The following TMEM87A variants were observed in gnomAD, a reference collection of about 807,000 sequenced individuals.
TMEM87A encodes Golgi-pH regulating cation channel.
In TMEM87A, 50 loss-of-function variants were observed where a neutral mutation model predicts 90.0. That is an observed-to-expected ratio of 0.56 (90% CI 0.44 to 0.70). The LOEUF is 0.70. Ranked by LOEUF, TMEM87A falls within the 30% of genes least tolerant of loss-of-function variation. The probability of loss-of-function intolerance (pLI) is 0.00; values close to 1 mark genes in which losing one functional copy is unlikely to be tolerated. For missense variants in TMEM87A, 577 were observed against 660.5 expected (o/e 0.87, Z 1.39); for synonymous variants, 226 against 226.7 (o/e 1.00, Z 0.03).
At chr15:42,272,593 T>C (rs2051561069) in intron 1 of TMEM87A, 8 of 243,640 alleles carry the variant, frequency 3.3e-5, no homozygotes, top group Non-Finnish European at 6.6e-5. Context: ...CTATACCTGT[T>C]ACTGAAATAA....
chr15:42,237,290 G>C (rs1308473984), intron 9 of TMEM87A, 142 bp downstream of exon 9: 3 of 765,720 alleles, frequency 3.9e-6, no homozygotes, highest in Non-Finnish European at 5.9e-6. Flanking sequence ...AAAAGTCAGA[G>C]TCATAGTGAT....
At chr15:42,256,401 A>G (rs2051185800) in intron 6 of TMEM87A, among the ~76,000 whole-genome samples, 1 of 152,228 alleles carries the variant, frequency 6.6e-6, no homozygotes, top group Admixed American at 6.5e-5. Flanking sequence ...TGGGCCTTAA[A>G]AAGTGCTGAG....
intron 19 of TMEM87A, among the ~76,000 whole-genome samples, chr15:42,216,961 CTTT>C (rs200586475): frequency 1.0e-4 from 14 of 138,336 alleles, no homozygotes; most frequent in Non-Finnish European, 1.1e-4. Flanking sequence ...TTTTTCTTTT[CTTT>C]TTTTTTTTTT....
chr15:42,224,797 T>C (rs991628743), intron 15 of TMEM87A, among the ~76,000 whole-genome samples: 10 of 152,004 alleles, frequency 6.6e-5, no homozygotes, highest in African/African-American at 2.4e-4. Context: ...GTCACAAGAG[T>C]AATGTAAGAT....
intron 16 of TMEM87A, 22 bp from the exon 17 acceptor site, chr15:42,219,664 C>G: frequency 6.5e-7 from 1 of 1,530,236 alleles, no homozygotes; most frequent in Non-Finnish European, 9.0e-7. Context: ...AATAAATATA[C>G]ACTGTTTAAC....
intron 6 of TMEM87A, among the ~76,000 whole-genome samples, chr15:42,253,947 G>A (rs1053418221): frequency 2.0e-5 from 3 of 152,176 alleles, no homozygotes; most frequent in Admixed American, 2.0e-4. Context: ...ATTAAGTTGT[G>A]AAGTTGGGAT....
rs2050603905 is a variant in TMEM87A, at chr15:42,226,829, C to T, written c.1380G>A (p.Trp460Ter). The change falls in exon 15 of 20, where the codon TGG becomes TGA. Residue 460 changes from tryptophan to a stop codon, truncating the protein, a stop_gained. Transcript: ENST00000389834. LOFTEE classifies it high-confidence loss of function. ...ACCTCTGGTTGTTTGCAGATGGTCG[C>T]CAGAGAACCATGATGACAAAGAGGA... ...SMILFVIMVL[W>*]RPSANNQRFA... 1 of 1,614,004 alleles carries T rather than the reference C, an allele frequency of 6.2e-7. No individual in the cohort carries two copies. The highest frequency in any genetic ancestry group is 2.2e-5 in the East Asian group (1 of 44,884).
chr15:42,220,169 T>C (rs756341437), intron 15 of TMEM87A, 34 bp from the exon 16 acceptor site: 7 of 1,549,144 alleles, frequency 4.5e-6, no homozygotes, highest in Middle Eastern at 1.7e-4. Context: ...AGGAAAAAAT[T>C]AGAAAACTTC....
At chr15:42,262,767 G>C (rs2051320598) in intron 4 of TMEM87A, among the ~76,000 whole-genome samples, 1 of 152,108 alleles carries the variant, frequency 6.6e-6, no homozygotes, top group Non-Finnish European at 1.5e-5. Context: ...TTTACTTCTA[G>C]TAATTTGACA....
intron 1 of TMEM87A, 55 bp downstream of exon 1, chr15:42,273,200 C>A: frequency 6.2e-7 from 1 of 1,605,652 alleles, no homozygotes; most frequent in Non-Finnish European, 8.5e-7. Context: ...CTTGGGCCGC[C>A]GTAGCCCCAC....
At chr15:42,239,603 A>G (rs1214663144) in intron 8 of TMEM87A, 67 bp downstream of exon 8, 1 of 1,325,798 alleles carries the variant, frequency 7.5e-7, no homozygotes, top group Non-Finnish European at 1.1e-6. Context: ...TACTGCCACA[A>G]AACATGGGAC....
intron 17 of TMEM87A, among the ~76,000 whole-genome samples, chr15:42,218,720 C>A (rs895262277): frequency 6.6e-6 from 1 of 152,132 alleles, no homozygotes; most frequent in Non-Finnish European, 1.5e-5. Flanking sequence ...GGCTTCTTCA[C>A]GCTGTTGCGA....
At position 42,231,862 on chromosome 15, in the gene TMEM87A, G is replaced by A. The variant is rs776543066; in HGVS notation, c.1063-602C>T. Reference sequence around the variant, plus strand: ...AGGATATCCATAAAATAACACAGGCGTCAATTGCTGAGAGGGCCAGGTTTA... The same window carrying A: ...AGGATATCCATAAAATAACACAGGCATCAATTGCTGAGAGGGCCAGGTTTA... On this transcript the variant is annotated intron_variant, in intron 11 of 19. Coordinates refer to ENST00000389834, the MANE Select transcript of TMEM87A (RefSeq NM_015497.5). 3.1e-5 allele frequency: 39 copies of A among 1,276,192 alleles called. No homozygotes were observed. The African/African-American group carries it at 4.6e-4, about 15-fold the overall frequency. 79.1% of individuals were successfully genotyped at this position (1,276,192 alleles called of 1,614,324 possible). A position where few individuals can be genotyped will look rare whatever the true frequency, so the allele number is the denominator to read the frequency against.
intron 6 of TMEM87A, among the ~76,000 whole-genome samples, chr15:42,250,869 G>C (rs1048991439): frequency 6.6e-6 from 1 of 152,074 alleles, no homozygotes; most frequent in Non-Finnish European, 1.5e-5. Flanking sequence ...TCACTTTCAG[G>C]TATACCAATC....
At chr15:42,215,060 A>G (rs919117048) in intron 19 of TMEM87A, among the ~76,000 whole-genome samples, 2 of 152,254 alleles carry the variant, frequency 1.3e-5, no homozygotes, top group African/African-American at 4.8e-5. Context: ...ATAGCCTACT[A>G]CATACCTCGG....
intron 12 of TMEM87A, among the ~76,000 whole-genome samples, 197 bp from the exon 13 acceptor site, chr15:42,229,017 T>C (rs1476498819): frequency 1.3e-5 from 2 of 148,496 alleles, no homozygotes; most frequent in South Asian, 4.3e-4. Context: ...TTTCTTTTCC[T>C]TTTTTTTTTG....
At chr15:42,217,640 T>C (rs767870273) in intron 19 of TMEM87A, among the ~76,000 whole-genome samples, 163 bp downstream of exon 19, 3 of 152,212 alleles carry the variant, frequency 2.0e-5, no homozygotes, top group East Asian at 1.9e-4. Flanking sequence ...TCTTGAATGT[T>C]TGAACTCTAT....
intron 10 of TMEM87A, among the ~76,000 whole-genome samples, chr15:42,234,017 A>T (rs2050731834): frequency 6.6e-6 from 1 of 151,922 alleles, no homozygotes; most frequent in South Asian, 2.1e-4. Flanking sequence ...CCTAGGCTTA[A>T]GCGATTCTCC....
intron 15 of TMEM87A, among the ~76,000 whole-genome samples, chr15:42,223,531 A>T (rs1409089822): frequency 2.6e-5 from 4 of 152,230 alleles, no homozygotes; most frequent in African/African-American, 9.6e-5. Flanking sequence ...CATTTAGGTC[A>T]TGAGGGCTCC....
Sources: allele counts gnomAD v4.1 joint callset (sites outside exome capture counted in the v4.1 genomes callset), GRCh38; gene constraint gnomAD v4.1.1; transcripts MANE v1.5; gene names NCBI Gene and HGNC (gene_info 2026-07-23, HGNC 2026-07-21).